ARL4D: variants seen among roughly 807,000 people sequenced by gnomAD.
ARL4D encodes the protein ARF like GTPase 4D.
In ARL4D, 1 loss-of-function variant was observed where a neutral mutation model predicts 0.6. That is an observed-to-expected ratio of 1.64 (90% confidence interval 0.58 to 7.76). The LOEUF (loss-of-function observed/expected upper bound fraction) is 7.76, where lower values mean the gene tolerates loss of function less well. Among genes scored for constraint, ARL4D ranks in the 30% most tolerant of loss-of-function variants. The pLI, the probability that ARL4D is intolerant of heterozygous loss-of-function variation, is 0.14. For missense variants in ARL4D, 230 were observed against 264.5 expected (o/e 0.87, Z 0.90); for synonymous variants, 102 against 115.2 (o/e 0.89, Z 0.73).
chr17:43,399,282 C>T (rs2058077597), intron 1 of ARL4D, among the ~76,000 whole-genome samples, 189 bp downstream of exon 1: 1 of 151,928 alleles, frequency 6.6e-6, no homozygotes, highest in African/African-American at 2.4e-5. Flanking sequence ...CGGACTCAAT[C>T]TCCGGTCTCA....
chr17:43,400,660 T>G lies in ARL4D; in HGVS notation c.*322T>G. ...CTAAAAATTTTTAATTGGATGTGTT[T>G]GGGGGCGGGGGGATGGAAGTGACTT... is the stretch of plus-strand genomic sequence containing the variant. On this transcript the variant is annotated 3_prime_UTR_variant, in exon 2 of 2. Transcript: ENST00000320033. 9 of 230,046 alleles carry G rather than the reference T, an allele frequency of 3.9e-5. No individual in the cohort carries two copies. Among genetic ancestry groups the G allele is most frequent in the East Asian group, 1.1e-4 (1 of 9,312 alleles). The allele number at this position is 230,046 out of a possible 1,614,324, so 14.3% of individuals were successfully genotyped here.
Position 43,399,922 on chromosome 17 carries a change from C to G in ARL4D, c.190C>G (p.Leu64Val), listed in dbSNP as rs2058080832. The G allele has an allele frequency of 6.2e-7, 1 of 1,614,018 alleles. No individual in the cohort carries two copies. The highest frequency in any genetic ancestry group is 8.5e-7 in the Non-Finnish European group (1 of 1,180,040). Residue 64 changes from leucine to valine, a missense_variant, in exon 2 of 2, where the codon CTC (leucine) becomes GTC (valine). Coordinates refer to ENST00000320033, the MANE Select transcript of ARL4D (RefSeq NM_001661.4). ...CAACACCGAGAAGATCCGGGTGCCC[C>G]TCGGGGGATCGCGTGGCATCACCTT... ...GFNTEKIRVP[L>V]GGSRGITFQV... is the part of the protein sequence containing the mutation.
rs2058082742 is a variant in ARL4D, at chr17:43,400,294, C to T, written c.562C>T (p.Leu188Phe). Residue 188 changes from leucine to phenylalanine, a missense_variant, in exon 2 of 2, where the codon CTC becomes TTC. Physicochemically the swap from Leu to Phe is conservative, Grantham distance 22. This residue lies in a region of ARL4D where 131 missense variants were observed against 134.4 expected (regional missense o/e 0.97). Coordinates refer to ENST00000320033, the MANE Select transcript of ARL4D (RefSeq NM_001661.4). Reference protein sequence around the residue: ...QGLERLYEMILKRKKAARGGK... With the variant: ...QGLERLYEMIFKRKKAARGGK... ...CCTTGAGCGCCTCTATGAGATGATC[C>T]TCAAGAGGAAGAAGGCAGCTCGGGG... is the stretch of plus-strand genomic sequence containing the variant. The T allele has an allele frequency of 6.2e-7, 1 of 1,602,944 alleles. No homozygotes were observed. The highest frequency in any genetic ancestry group is 1.3e-5 in the African/African-American group (1 of 74,632).
Position 43,399,784 on chromosome 17 carries a change from C to A in ARL4D, c.52C>A (p.His18Asn), listed in dbSNP as rs1455113750. Residue 18 changes from histidine to asparagine, a missense_variant, in exon 2 of 2, where the codon CAC becomes AAC. Around this residue, in one of 3 missense-constraint regions of ARL4D, gnomAD observed 91 missense variants for 100.4 expected, o/e 0.91. Transcript: ENST00000320033. ...GCCCACTGCCTCCTCCTTCTTGCCC[C>A]ACTTCCAAGCCCTGCATGTCGTGGT... The part of the protein sequence containing the change: ...MAPTASSFLP[H>N]FQALHVVVIG... 1 of 1,613,922 alleles carries A rather than the reference C, an allele frequency of 6.2e-7. No individual in the cohort carries two copies. The highest frequency in any genetic ancestry group is 1.3e-5 in the African/African-American group (1 of 74,888).
In ARL4D at chr17:43,399,937, G is replaced by A. The variant is rs2058080926; in HGVS notation, c.205G>A (p.Gly69Ser). Residue 69 changes from glycine (G) to serine (S), a missense_variant, in exon 2 of 2, where the codon GGC (glycine) becomes AGC (serine). Physicochemically the swap from Gly to Ser is moderately conservative, Grantham distance 56. Coordinates refer to ENST00000320033, the MANE Select transcript of ARL4D (RefSeq NM_001661.4). The stretch of plus-strand genomic sequence containing the variant: ...CCGGGTGCCCCTCGGGGGATCGCGT[G>A]GCATCACCTTCCAAGTGTGGGACGT... Reference protein sequence around the residue: ...KIRVPLGGSRGITFQVWDVGG... With the variant: ...KIRVPLGGSRSITFQVWDVGG... The A allele has an allele frequency of 3.1e-6, 5 of 1,613,822 alleles. No homozygotes were observed. Among genetic ancestry groups the A allele is most frequent in the Admixed American group, 1.7e-5 (1 of 59,990 alleles).
Position 43,399,888 on chromosome 17 carries a change from C to T in ARL4D, c.156C>T (p.Thr52=), listed in dbSNP as rs1337909548. 3 of 1,614,064 alleles carry T rather than the reference C, an allele frequency of 1.9e-6. No homozygotes were observed. Among genetic ancestry groups the T allele is most frequent in the Non-Finnish European group, 2.5e-6 (3 of 1,180,026 alleles). Reference sequence around the variant, plus strand: ...AGGAGTTTGTCCAGAGTGTCCCCACCAAAGGCTTCAACACCGAGAAGATCC... The same window carrying T: ...AGGAGTTTGTCCAGAGTGTCCCCACTAAAGGCTTCAACACCGAGAAGATCC... ...KFKEFVQSVP[T]KGFNTEKIRV... The change falls in exon 2 of 2, where the codon ACC becomes ACT. Residue 52 remains threonine, a synonymous_variant. Coordinates refer to ENST00000320033, the MANE Select transcript of ARL4D (RefSeq NM_001661.4).
At chr17:43,399,607 TTGTG>T in intron 1 of ARL4D, 50 bp from the exon 2 acceptor site, 1 of 1,220,624 alleles carries the variant, frequency 8.2e-7, no homozygotes, top group East Asian at 2.4e-5. Context: ...GTTGCAAATC[TTGTG>T]TGTATTATTA....
intron 1 of ARL4D, among the ~76,000 whole-genome samples, chr17:43,399,342 C>T (rs1567909431): frequency 6.6e-6 from 1 of 152,030 alleles, no homozygotes; most frequent in Non-Finnish European, 1.5e-5. Flanking sequence ...CTTCCCCCGT[C>T]CCTCGGGGAT....
chr17:43,400,528 G>T lies in ARL4D; in HGVS notation c.*190G>T, dbSNP rs2058084105. ...TGGGGATGGGAGATGGGATGTCTTTGCATATCTCTCTCATCCTCTCTGGAG... is the reference window on the plus strand; with the variant it reads ...TGGGGATGGGAGATGGGATGTCTTTTCATATCTCTCTCATCCTCTCTGGAG... On this transcript the variant is annotated 3_prime_UTR_variant, in exon 2 of 2. Transcript: ENST00000320033. 7 of 694,884 alleles carry T rather than the reference G, an allele frequency of 1.0e-5. No individual in the cohort carries two copies. In the South Asian group the frequency reaches 1.4e-4, roughly 14 times the overall value. 43.0% of individuals were successfully genotyped at this position (694,884 alleles called of 1,614,324 possible). A position where few individuals can be genotyped will look rare whatever the true frequency, so the allele number is the denominator to read the frequency against.
Position 43,400,389 on chromosome 17 carries a change from G to A in ARL4D, c.*51G>A, listed in dbSNP as rs1210702769. On this transcript the variant is annotated 3_prime_UTR_variant, in exon 2 of 2. Coordinates refer to ENST00000320033, the MANE Select transcript of ARL4D (RefSeq NM_001661.4). ...CACCTAGTAGGGGTCTGCACACTTG[G>A]ACAGCAGGGTGGGACCAGCCTGTGA... 2 of 1,526,872 alleles carry A rather than the reference G, an allele frequency of 1.3e-6. No individual in the cohort carries two copies. Among genetic ancestry groups the A allele is most frequent in the South Asian group, 2.6e-5 (2 of 76,696 alleles). The allele number at this position is 1,526,872 out of a possible 1,614,324, so 94.6% of individuals were successfully genotyped here.
At position 43,400,183 on chromosome 17, in the gene ARL4D, A is replaced by T. The variant is rs763210222; in HGVS notation, c.451A>T (p.Arg151Trp). 1.3e-6 allele frequency: 2 copies of T among 1,599,646 alleles called. No homozygotes were observed. The highest frequency in any genetic ancestry group is 2.2e-5 in the South Asian group (2 of 89,802). ...GALSAAEVEK[R>W]LAVRELAAAT... ...ACTGAGCGCTGCTGAGGTGGAGAAG[A>T]GGCTGGCAGTCCGAGAGCTAGCAGC... The change falls in exon 2 of 2, where the codon AGG (arginine) becomes TGG (tryptophan). Residue 151 changes from arginine to tryptophan, a missense_variant. By Grantham distance (101) the Arg-to-Trp change is moderately radical. Coordinates refer to ENST00000320033, the MANE Select transcript of ARL4D (RefSeq NM_001661.4).
At position 43,399,692 on chromosome 17, in the gene ARL4D, T is replaced by C. The variant is rs2058079581; in HGVS notation, c.-41T>C. On this transcript the variant is annotated 5_prime_UTR_variant, in exon 2 of 2. Coordinates refer to ENST00000320033, the MANE Select transcript of ARL4D (RefSeq NM_001661.4). The stretch of plus-strand genomic sequence containing the variant: ...CAGCTGTGCTCCCTGGAACCTTCAA[T>C]TTCAAGGCCTCCCTGCCTCTACTAG... The C allele has an allele frequency of 6.4e-7, 1 of 1,573,456 alleles. No homozygotes were observed. The highest frequency in any genetic ancestry group is 8.6e-7 in the Non-Finnish European group (1 of 1,158,104).
intron 1 of ARL4D, 145 bp from the exon 2 acceptor site, chr17:43,399,516 T>G: frequency 4.9e-6 from 3 of 616,806 alleles, no homozygotes; most frequent in Non-Finnish European, 5.3e-6. Context: ...AACACCTCTG[T>G]TATGCCTTAA....
At chr17:43,399,524 TAA>T (rs3071190) in intron 1 of ARL4D, 135 bp from the exon 2 acceptor site, 133,745 of 529,596 alleles carry the variant, frequency 0.25, 5,588 homozygotes, top group East Asian at 0.29. Flanking sequence ...TGTTATGCCT[TAA>T]AAAAAAAAAA....
rs190082502 is a variant in ARL4D at position 43,399,337 on chromosome 17, C to G, written c.-73+244C>G. ...TAGTTTGGGGGCACTGTCGACTTCC[C>G]CCGTCCCTCGGGGATCTTGCCTGGG... On this transcript the variant is annotated intron_variant, in intron 1 of 1. Transcript: ENST00000320033. Among the ~76,000 whole-genome samples the G allele has an allele frequency of 6.5e-4, 99 of 152,096 alleles. No homozygotes were observed. The Middle Eastern group carries it at 0.01, about 16-fold the overall frequency.
chr17:43,399,638 C>T, intron 1 of ARL4D, 23 bp from the exon 2 acceptor site: 2 of 1,461,924 alleles, frequency 1.4e-6, no homozygotes, highest in Non-Finnish European at 9.2e-7. Context: ...TCCTTTTTCT[C>T]CCATGACCTT....
Position 43,399,932 on chromosome 17 carries a change from C to T in ARL4D, c.200C>T (p.Ser67Leu), listed in dbSNP as rs2058080880. 1.2e-6 allele frequency: 2 copies of T among 1,613,984 alleles called. No homozygotes were observed. Among genetic ancestry groups the T allele is most frequent in the Admixed American group, 1.7e-5 (1 of 60,010 alleles). Residue 67 changes from serine (S) to leucine (L), a missense_variant, in exon 2 of 2, where the codon TCG becomes TTG. Physicochemically the swap from Ser to Leu is moderately radical, Grantham distance 145. Around this residue, in one of 3 missense-constraint regions of ARL4D, gnomAD observed 91 missense variants for 100.4 expected, o/e 0.91. Transcript: ENST00000320033. ...TEKIRVPLGG[S>L]RGITFQVWDV... ...AAGATCCGGGTGCCCCTCGGGGGAT[C>T]GCGTGGCATCACCTTCCAAGTGTGG...
Position 43,400,532 on chromosome 17 carries a change from ATC to A in ARL4D, c.*201_*202del, listed in dbSNP as rs1448417551. 2.1e-5 allele frequency: 14 copies of A among 670,226 alleles called. No homozygotes were observed. The East Asian group carries it at 3.1e-4, about 15-fold the overall frequency. The allele number at this position is 670,226 out of a possible 1,614,324, so 41.5% of individuals were successfully genotyped here. A position where few individuals can be genotyped will look rare whatever the true frequency, so the allele number is the denominator to read the frequency against. On this transcript the variant is annotated 3_prime_UTR_variant, in exon 2 of 2. Coordinates refer to ENST00000320033, the MANE Select transcript of ARL4D (RefSeq NM_001661.4). ...GATGGGAGATGGGATGTCTTTGCAT[ATC>A]TCTCTCATCCTCTCTGGAGAAGTGG...
Position 43,400,888 on chromosome 17 carries a change from CTA to C in ARL4D, c.*552_*553del, listed in dbSNP as rs1422012415. 1.2e-5 allele frequency: 2 copies of C among 167,490 alleles called. No homozygotes were observed. The highest frequency in any genetic ancestry group is 2.9e-5 in the Non-Finnish European group (2 of 68,496). 10.4% of individuals were successfully genotyped at this position (167,490 alleles called of 1,614,324 possible). A position where few individuals can be genotyped will look rare whatever the true frequency, so the allele number is the denominator to read the frequency against. Reference sequence around the variant, plus strand: ...GTGTCCTCTGTATTATTGTTATTAACTATTTTTTAGCATTTGCCTGTAAGTTA... The same window carrying C: ...GTGTCCTCTGTATTATTGTTATTAACTTTTTTAGCATTTGCCTGTAAGTTA... On this transcript the variant is annotated 3_prime_UTR_variant, in exon 2 of 2. Coordinates refer to ENST00000320033, the MANE Select transcript of ARL4D (RefSeq NM_001661.4).
Sources: gnomAD v4.1 joint callset for allele counts (sites outside exome capture counted in the v4.1 genomes callset) on GRCh38, gnomAD v4.1.1 for gene constraint, gnomAD v4.1.1 regional missense constraint, MANE v1.5 for transcripts, NCBI Gene and HGNC (gene_info 2026-07-23, HGNC 2026-07-21) for gene names.